Variants in EDA observed in about 807,000 individuals in gnomAD.
EDA encodes the protein ectodysplasin-A.
EDA carries 2 observed loss-of-function variants against 23.6 expected under a neutral mutation model. The observed-to-expected ratio is 0.08, with a 90% confidence interval of 0.03 to 0.27. The LOEUF (loss-of-function observed/expected upper bound fraction) is 0.27. Ranked by LOEUF, EDA falls within the 10% of genes least tolerant of loss-of-function variation. EDA has a pLI of 1.00. For synonymous variants in EDA, 131 were observed against 132.0 expected (o/e 0.99, Z 0.05); for missense variants, 229 against 324.2 (o/e 0.71, Z 2.26).
intron 2 of EDA, among the ~76,000 whole-genome samples, chrX:70,022,074 T>C (rs2147502069): frequency 9.0e-6 from 1 of 110,959 alleles, no homozygotes; most frequent in African/African-American, 3.3e-5. Context: ...TTTAAATACC[T>C]GTATTTAAAG....
At chrX:69,989,936 CTT>C (rs760347264) in intron 2 of EDA, among the ~76,000 whole-genome samples, 22 of 70,694 alleles carry the variant, frequency 3.1e-4, no homozygotes, top group South Asian at 7.5e-4. Context: ...GTTAGGCTTT[CTT>C]TTTTTTTTTT....
intron 1 of EDA, among the ~76,000 whole-genome samples, chrX:69,828,026 A>C (rs977401297): frequency 1.8e-5 from 2 of 111,006 alleles, no homozygotes; most frequent in Non-Finnish European, 3.8e-5. Context: ...GTCAGGGGTC[A>C]GGGAGCCACT....
At chrX:69,849,548 C>T (rs998630689) in intron 1 of EDA, among the ~76,000 whole-genome samples, 7 of 111,828 alleles carry the variant, frequency 6.3e-5, no homozygotes, top group African/African-American at 2.3e-4. Context: ...CTCAACTCCT[C>T]TATAAAACTT....
At chrX:69,822,067 G>C (rs898628966) in intron 1 of EDA, among the ~76,000 whole-genome samples, 1 of 110,887 alleles carries the variant, frequency 9.0e-6, no homozygotes, top group African/African-American at 3.3e-5. Context: ...ATGATTGCTT[G>C]AGGCCAGGAG....
At chrX:69,968,313 A>T (rs2019202588) in intron 2 of EDA, among the ~76,000 whole-genome samples, 1 of 112,140 alleles carries the variant, frequency 8.9e-6, no homozygotes, top group Middle Eastern at 4.6e-3. Context: ...ATGACGAATT[A>T]GGTGACAATT....
At chrX:69,958,909 A>C (rs928933856) in intron 2 of EDA, among the ~76,000 whole-genome samples, 1 of 111,396 alleles carries the variant, frequency 9.0e-6, no homozygotes, top group Admixed American at 9.6e-5. Flanking sequence ...GAGAGGAGAC[A>C]GGTGGTAAGA....
intron 1 of EDA, among the ~76,000 whole-genome samples, chrX:69,686,351 C>T (rs775267844): frequency 2.1e-4 from 24 of 112,158 alleles, no homozygotes; most frequent in African/African-American, 7.4e-4. Context: ...ACAATGGCCA[C>T]TAATATAGGT....
intron 4 of EDA, 113 bp downstream of exon 4, chrX:70,028,149 T>A: frequency 9.0e-7 from 1 of 1,114,821 alleles, no homozygotes; most frequent in South Asian, 2.1e-5. Context: ...TGGTGTGCAA[T>A]AAGGGATGCA....
chrX:69,821,751 T>C (rs6525337), intron 1 of EDA, among the ~76,000 whole-genome samples: 50,482 of 110,641 alleles, frequency 0.46, 8,832 homozygotes, highest in East Asian at 0.72. Context: ...GTGCCTAGCT[T>C]ATTTGCATCA....
intron 1 of EDA, among the ~76,000 whole-genome samples, chrX:69,863,707 G>A (rs1452971958): frequency 9.4e-6 from 1 of 106,589 alleles, no homozygotes; most frequent in Non-Finnish European, 1.9e-5. Flanking sequence ...ATGTATGTGT[G>A]GGCATATATG....
chrX:69,622,980 C>T, intron 1 of EDA, among the ~76,000 whole-genome samples: 1 of 111,815 alleles, frequency 8.9e-6, no homozygotes, highest in Non-Finnish European at 1.9e-5. Context: ...ATAGCATCAC[C>T]TTTGTCATAA....
At chrX:69,780,449 C>T (rs2014908940) in intron 1 of EDA, among the ~76,000 whole-genome samples, 1 of 111,112 alleles carries the variant, frequency 9.0e-6, no homozygotes, top group Non-Finnish European at 1.9e-5. Flanking sequence ...TAACCATTAC[C>T]ACAATCCATT....
At chrX:69,770,410 CATTTTT>C (rs1451838349) in intron 1 of EDA, among the ~76,000 whole-genome samples, 1 of 111,882 alleles carries the variant, frequency 8.9e-6, no homozygotes, top group African/African-American at 3.2e-5. Flanking sequence ...TGTTGTCACT[CATTTTT>C]ATTTTAATCA....
intron 1 of EDA, among the ~76,000 whole-genome samples, chrX:69,654,215 A>G: frequency 8.9e-6 from 1 of 112,215 alleles, no homozygotes; most frequent in East Asian, 2.8e-4. Context: ...ATCACTGGCC[A>G]TCAGAGAAAT....
intron 1 of EDA, among the ~76,000 whole-genome samples, chrX:69,951,871 G>C (rs1182194105): frequency 4.5e-5 from 5 of 111,877 alleles, no homozygotes; most frequent in African/African-American, 6.5e-5. Flanking sequence ...TAAAGAATTA[G>C]ATTTTTTTCC....
intron 2 of EDA, among the ~76,000 whole-genome samples, chrX:69,992,790 T>A (rs1292621946): frequency 2.7e-5 from 3 of 112,226 alleles, no homozygotes; most frequent in Admixed American, 9.4e-5. Context: ...TTTGCCACAT[T>A]TTCACCAAAA....
chrX:69,980,355 C>T (rs2019387547), intron 2 of EDA, among the ~76,000 whole-genome samples: 1 of 111,906 alleles, frequency 8.9e-6, no homozygotes, highest in Non-Finnish European at 1.9e-5. Flanking sequence ...TAACAGACTG[C>T]ATTTTGCCTA....
intron 1 of EDA, among the ~76,000 whole-genome samples, chrX:69,728,687 G>T (rs2012902784): frequency 9.0e-6 from 1 of 111,266 alleles, no homozygotes; most frequent in African/African-American, 3.3e-5. Context: ...ACTGGAGAGG[G>T]CTAAGAGGAA....
At chrX:69,641,809 G>A (rs896473650) in intron 1 of EDA, among the ~76,000 whole-genome samples, 2 of 111,636 alleles carry the variant, frequency 1.8e-5, no homozygotes, top group Non-Finnish European at 3.8e-5. Flanking sequence ...ACTATGAGAA[G>A]ACAAGAGCTC....
Sources: allele counts gnomAD v4.1 joint callset (sites outside exome capture counted in the v4.1 genomes callset), GRCh38; gene constraint gnomAD v4.1.1; transcripts MANE v1.5; gene names NCBI Gene and HGNC (gene_info 2026-07-23, HGNC 2026-07-21).